Variants in ZFHX3 observed in about 807,000 individuals in gnomAD.
ZFHX3 encodes zinc finger homeobox protein 3.
ZFHX3 carries 42 observed loss-of-function variants against 279.1 expected under a neutral mutation model. The ratio of observed to expected loss-of-function variants is 0.15; its 90% CI spans 0.12 to 0.19. ZFHX3 has a LOEUF of 0.19. ZFHX3 is among the 10% of genes least tolerant of loss of function. The pLI, the probability that ZFHX3 is intolerant of heterozygous loss-of-function variation, is 1.00. For synonymous variants in ZFHX3, 2,293 were observed against 1,957.8 expected (o/e 1.17, Z -4.52); for missense variants, 4,981 against 4,754.0 (o/e 1.05, Z -1.40).
chr16:73,333,486 A>C (rs1160315659), intron 3 of ZFHX3, among the ~76,000 whole-genome samples: 1 of 152,202 alleles, frequency 6.6e-6, no homozygotes, highest in Non-Finnish European at 1.5e-5. Context: ...AGAAAGCAAG[A>C]AAGCAAGCAA....
intron 5 of ZFHX3, chr16:73,232,701 T>G (rs1221757860): frequency 6.6e-6 from 1 of 152,148 alleles, no homozygotes; most frequent in Admixed American, 6.5e-5. Flanking sequence ...GGGGGATTCC[T>G]TGGCTTGCTG....
chr16:73,096,197 C>T (rs986983971), intron 7 of ZFHX3, among the ~76,000 whole-genome samples: 3 of 151,962 alleles, frequency 2.0e-5, no homozygotes, highest in African/African-American at 4.8e-5. Flanking sequence ...CTGCCTGCCC[C>T]GAATTGGGCT....
At chr16:73,155,194 A>G (rs1218022588) in intron 5 of ZFHX3, among the ~76,000 whole-genome samples, 1 of 150,974 alleles carries the variant, frequency 6.6e-6, no homozygotes, top group East Asian at 1.9e-4. Flanking sequence ...AAAAAAAAAA[A>G]CAAAAAAAAG....
chr16:73,876,659 A>C, intron 1 of ZFHX3, among the ~76,000 whole-genome samples: 1 of 152,204 alleles, frequency 6.6e-6, no homozygotes. Flanking sequence ...CCCCAGTTGG[A>C]TATGTGGGGT....
At chr16:73,356,292 T>C (rs1169236948) in intron 3 of ZFHX3, among the ~76,000 whole-genome samples, 1 of 150,620 alleles carries the variant, frequency 6.6e-6, no homozygotes, top group Non-Finnish European at 1.5e-5. Context: ...ACAGCTGGCA[T>C]GCACTTTGTA....
At chr16:73,812,452 AACTG>A (rs1380184413) in intron 1 of ZFHX3, among the ~76,000 whole-genome samples, 1 of 152,156 alleles carries the variant, frequency 6.6e-6, no homozygotes, top group Admixed American at 6.5e-5. Context: ...AAGTCTTGCA[AACTG>A]ACTGCATTCG....
chr16:73,375,093 C>T (rs1453826486), intron 3 of ZFHX3, among the ~76,000 whole-genome samples: 3 of 152,120 alleles, frequency 2.0e-5, no homozygotes, highest in African/African-American at 7.2e-5. Flanking sequence ...CTTCTTCCTC[C>T]TTTTTAATAA....
At chr16:73,781,323 G>A (rs7200482) in intron 1 of ZFHX3, among the ~76,000 whole-genome samples, 6,516 of 152,282 alleles carry the variant, frequency 0.043, 460 homozygotes, top group African/African-American at 0.14. Flanking sequence ...TAAGCAGCTC[G>A]ATTATAAGGC....
chr16:73,431,782 T>C (rs1478469828), intron 3 of ZFHX3, among the ~76,000 whole-genome samples: 5 of 152,126 alleles, frequency 3.3e-5, no homozygotes, highest in African/African-American at 9.7e-5. Flanking sequence ...ATTAAGTACA[T>C]GGCCCCCAAG....
intron 1 of ZFHX3, among the ~76,000 whole-genome samples, chr16:73,001,771 G>A (rs557205516): frequency 6.6e-6 from 1 of 151,666 alleles, no homozygotes; most frequent in African/African-American, 2.4e-5. Context: ...AGTGAGCCCT[G>A]ACTGCACCAC....
At chr16:72,961,350 T>C (rs2144467779) in intron 1 of ZFHX3, among the ~76,000 whole-genome samples, 1 of 152,350 alleles carries the variant, frequency 6.6e-6, no homozygotes, top group East Asian at 1.9e-4. Flanking sequence ...TGAGACCTCA[T>C]GTCCCTGGGG....
intron 1 of ZFHX3, among the ~76,000 whole-genome samples, chr16:73,787,852 TGAAA>T (rs1285715770): frequency 4.5e-5 from 6 of 132,364 alleles, no homozygotes; most frequent in Non-Finnish European, 6.6e-5. Context: ...TGTGTGTGTG[TGAAA>T]GAGAGAGAGA....
At chr16:73,172,931 G>GTTTTTTTTTTTTTTTT (rs376709821) in intron 5 of ZFHX3, among the ~76,000 whole-genome samples, 11 of 97,146 alleles carry the variant, frequency 1.1e-4, no homozygotes, top group Non-Finnish European at 1.9e-4. Flanking sequence ...GCTGCCTGTG[G>GTTTTTTTTTTTTTTTT]TTTTTTTTTT....
At chr16:73,365,071 G>A (rs1349132906) in intron 3 of ZFHX3, among the ~76,000 whole-genome samples, 2 of 152,144 alleles carry the variant, frequency 1.3e-5, no homozygotes, top group Admixed American at 6.5e-5. Flanking sequence ...AGATCACTGA[G>A]ACGATGTTTG....
intron 3 of ZFHX3, among the ~76,000 whole-genome samples, chr16:73,424,651 G>A (rs969707732): frequency 6.6e-6 from 1 of 151,282 alleles, no homozygotes; most frequent in Admixed American, 6.6e-5. Context: ...CCGCTTGGGA[G>A]GCTGAGATGG....
chr16:73,784,519 C>T (rs1420025756), intron 1 of ZFHX3, among the ~76,000 whole-genome samples: 2 of 152,076 alleles, frequency 1.3e-5, no homozygotes, highest in Non-Finnish European at 2.9e-5. Context: ...GAGGCCAAAG[C>T]AGGCAGATCA....
At chr16:73,327,132 G>C (rs1182837259) in intron 3 of ZFHX3, among the ~76,000 whole-genome samples, 1 of 152,142 alleles carries the variant, frequency 6.6e-6, no homozygotes, top group African/African-American at 2.4e-5. Context: ...AACTATTTTT[G>C]TTTTTATTTG....
At chr16:72,825,627 G>A (rs1019745684) in intron 5 of ZFHX3, among the ~76,000 whole-genome samples, 15 of 152,192 alleles carry the variant, frequency 9.9e-5, no homozygotes, top group Non-Finnish European at 2.9e-5. Flanking sequence ...CATGCCTGCT[G>A]GGAAGGACAG....
intron 3 of ZFHX3, among the ~76,000 whole-genome samples, chr16:72,924,871 G>C (rs997409048): frequency 2.0e-5 from 3 of 151,914 alleles, no homozygotes; most frequent in Non-Finnish European, 4.4e-5. Context: ...TCTTCCTCTG[G>C]GCACTTCTGT....
Sources: gnomAD v4.1 joint callset for allele counts (sites outside exome capture counted in the v4.1 genomes callset) on GRCh38, gnomAD v4.1.1 for gene constraint, MANE v1.5 for transcripts, NCBI Gene and HGNC (gene_info 2026-07-23, HGNC 2026-07-21) for gene names.